The following MAP1B variants were observed in gnomAD, a reference collection of about 807,000 sequenced individuals.
The protein encoded by MAP1B is microtubule associated protein 1B, also known as microtubule-associated protein 1B.
A neutral mutation model predicts 176.1 loss-of-function variants in MAP1B; 12 were observed. The ratio of observed to expected loss-of-function variants is 0.07; its 90% confidence interval spans 0.04 to 0.11. MAP1B has a LOEUF of 0.11. Among genes scored for constraint, MAP1B ranks in the 10% least tolerant of loss-of-function variants. MAP1B has a pLI of 1.00. For missense variants in MAP1B, 2,523 were observed against 2,990.5 expected, an observed-to-expected ratio of 0.84 and a Z score of 3.65; for synonymous variants, 1,044 against 1,135.0, an observed-to-expected ratio of 0.92 and a Z score of 1.61.
chr5:72,170,802 C>G (rs150024647), intron 2 of MAP1B, among the ~76,000 whole-genome samples: 1,704 of 152,118 alleles, frequency 0.011, 37 homozygotes, highest in African/African-American at 0.039. Context: ...AAAAAATGAT[C>G]CAGATGTGGT....
chr5:72,141,227 C>T (rs1480067898), intron 2 of MAP1B, among the ~76,000 whole-genome samples: 1 of 152,180 alleles, frequency 6.6e-6, no homozygotes, highest in African/African-American at 2.4e-5. Flanking sequence ...TCCTCTCTTC[C>T]CCTCCCTTTT....
intron 2 of MAP1B, among the ~76,000 whole-genome samples, chr5:72,165,807 C>A (rs947281953): frequency 6.6e-6 from 1 of 152,142 alleles, no homozygotes; most frequent in Admixed American, 6.5e-5. Flanking sequence ...ATCTTGCATA[C>A]TGCCAGTAGA....
chr5:72,194,324 G>A lies in MAP1B; in HGVS notation c.969G>A (p.Met323Ile). 1 of 1,614,246 alleles carries A rather than the reference G, an allele frequency of 6.2e-7. No homozygotes were observed. ...GDDNLPGINS[M>I]LQRKIAELEE... Reference sequence around the variant, plus strand: ...ACAATTTGCCTGGAATAAACAGCATGTTACAGCGGAAAATTGCAGAGCTCG... The same window carrying A: ...ACAATTTGCCTGGAATAAACAGCATATTACAGCGGAAAATTGCAGAGCTCG... Residue 323 changes from methionine to isoleucine, a missense_variant, in exon 5 of 7, where the codon ATG becomes ATA. By Grantham distance (10) the Met-to-Ile change is conservative. Around this residue, in one of 4 missense-constraint regions of MAP1B, gnomAD observed 307 missense variants for 438.4 expected, o/e 0.70. Coordinates refer to ENST00000296755, the MANE Select transcript of MAP1B (RefSeq NM_005909.5). This position sits in a 1 kb window ranked among gnomAD's most constrained non-coding sequence, Gnocchi z 7.2.
rs201048800 is a variant in MAP1B at position 72,153,903 on chromosome 5, TA to T, written c.287-29830del. 8.6e-3 allele frequency among the ~76,000 whole-genome samples: 1,289 copies of T among 150,490 alleles called. 17 individuals carry two copies. The highest frequency in any genetic ancestry group is 0.029 in the African/African-American group (1,201 of 41,112). On this transcript the variant is annotated intron_variant, in intron 2 of 6. Transcript: ENST00000296755. Reference sequence around the variant, plus strand: ...TACTGTTACTTTTAGGATGTTCATTTAAAAAAAAAATCTCTTTTCCCTAGGT... The same window carrying T: ...TACTGTTACTTTTAGGATGTTCATTTAAAAAAAAATCTCTTTTCCCTAGGT...
chr5:72,170,090 T>G (rs1308360122), intron 2 of MAP1B, among the ~76,000 whole-genome samples: 1 of 152,210 alleles, frequency 6.6e-6, no homozygotes, highest in Admixed American at 6.5e-5. Flanking sequence ...TTACTAAAAA[T>G]TTAGATTCCT....
intron 2 of MAP1B, among the ~76,000 whole-genome samples, chr5:72,178,728 GTGTGT>G (rs1561307853): frequency 3.4e-4 from 24 of 69,778 alleles, no homozygotes; most frequent in Admixed American, 7.4e-4. Flanking sequence ...TCTGAGGGGT[GTGTGT>G]GTGTGTGTGT....
intron 2 of MAP1B, among the ~76,000 whole-genome samples, chr5:72,175,697 C>G (rs879392977): frequency 6.6e-6 from 1 of 151,944 alleles, no homozygotes; most frequent in African/African-American, 2.4e-5. Flanking sequence ...AGAGAAACAC[C>G]GAAGAGAGGA....
chr5:72,134,630 G>A (rs139682254), intron 2 of MAP1B, among the ~76,000 whole-genome samples: 1 of 152,024 alleles, frequency 6.6e-6, no homozygotes, highest in African/African-American at 2.4e-5. Flanking sequence ...TGTGCTGACT[G>A]CATGAATAAA....
intron 2 of MAP1B, among the ~76,000 whole-genome samples, chr5:72,146,213 A>G (rs909849388): frequency 3.9e-5 from 6 of 152,240 alleles, no homozygotes; most frequent in African/African-American, 1.4e-4. Context: ...GAACCAAAAA[A>G]TCTGAACAAT....
chr5:72,117,589 C>T (rs183893226), intron 2 of MAP1B, among the ~76,000 whole-genome samples: 1 of 152,290 alleles, frequency 6.6e-6, no homozygotes, highest in African/African-American at 2.4e-5. Flanking sequence ...GATCAAGTTC[C>T]CCCAAACTGT....
Position 72,198,735 on chromosome 5 carries a change from C to T in MAP1B, c.5380C>T (p.Pro1794Ser), listed in dbSNP as rs1379850307. 9 of 1,614,176 alleles carry T rather than the reference C, an allele frequency of 5.6e-6. No homozygotes were observed. Among genetic ancestry groups the T allele is most frequent in the Middle Eastern group, 1.6e-4 (1 of 6,062 alleles). The change falls in exon 5 of 7, where the codon CCT (proline) becomes TCT (serine). Residue 1794 changes from proline (P) to serine (S), a missense_variant. Coordinates refer to ENST00000296755, the MANE Select transcript of MAP1B (RefSeq NM_005909.5). ...ISPLTPRESS[P>S]LYSPTFSDST... ...TCCACTCACCCCACGAGAGTCCTCTCCTTTATATTCACCTACTTTTTCAGA... is the reference window on the plus strand; with the variant it reads ...TCCACTCACCCCACGAGAGTCCTCTTCTTTATATTCACCTACTTTTTCAGA...
chr5:72,166,167 T>G (rs1266159586), intron 2 of MAP1B, among the ~76,000 whole-genome samples: 1 of 152,218 alleles, frequency 6.6e-6, no homozygotes, highest in African/African-American at 2.4e-5. Context: ...AACTACATCA[T>G]GTACAAGGTA....
chr5:72,126,932 C>A (rs1030694695), intron 2 of MAP1B, among the ~76,000 whole-genome samples: 1 of 152,226 alleles, frequency 6.6e-6, no homozygotes, highest in South Asian at 2.1e-4. Context: ...TAGAGACTAT[C>A]CCCAAAGTCA....
At chr5:72,124,368 A>G (rs1362194265) in intron 2 of MAP1B, among the ~76,000 whole-genome samples, 27 of 152,244 alleles carry the variant, frequency 1.8e-4, no homozygotes. Context: ...TGTTATTTTA[A>G]TAAACTCTTC....
chr5:72,129,172 A>T (rs900740020), intron 2 of MAP1B, among the ~76,000 whole-genome samples: 1 of 152,194 alleles, frequency 6.6e-6, no homozygotes, highest in African/African-American at 2.4e-5. Context: ...TTACATGTAC[A>T]TATGTAATTG....
At chr5:72,147,410 GTAAC>G (rs1746065400) in intron 2 of MAP1B, among the ~76,000 whole-genome samples, 1 of 151,648 alleles carries the variant, frequency 6.6e-6, no homozygotes, top group Non-Finnish European at 1.5e-5. Context: ...CACTTGCTCT[GTAAC>G]TATTTGTATT....
At chr5:72,138,226 G>A (rs899921166) in intron 2 of MAP1B, among the ~76,000 whole-genome samples, 30 of 152,092 alleles carry the variant, frequency 2.0e-4, no homozygotes, top group African/African-American at 7.0e-4. Flanking sequence ...ACAGAAGGTG[G>A]GTGGAGAAAG....
intron 2 of MAP1B, among the ~76,000 whole-genome samples, chr5:72,180,809 CT>C (rs1159827784): frequency 6.6e-6 from 1 of 152,166 alleles, no homozygotes; most frequent in Non-Finnish European, 1.5e-5. Flanking sequence ...TGCCTTCCTG[CT>C]TTTGTAAGCT....
intron 2 of MAP1B, among the ~76,000 whole-genome samples, chr5:72,173,742 G>T (rs1746588559): frequency 6.6e-6 from 1 of 152,158 alleles, no homozygotes; most frequent in South Asian, 2.1e-4. Context: ...AAAGATTAAG[G>T]ATCTGGACCT....
Sources: allele counts gnomAD v4.1 joint callset (sites outside exome capture counted in the v4.1 genomes callset), GRCh38; gene constraint gnomAD v4.1.1; regional missense constraint gnomAD v4.1.1; non-coding constraint Gnocchi (gnomAD v3.1); transcripts MANE v1.5; gene names NCBI Gene and HGNC (gene_info 2026-07-23, HGNC 2026-07-21).